Variants in TNFAIP6 observed in about 807,000 individuals in gnomAD.
TNFAIP6 encodes TNF alpha induced protein 6, also known as tumor necrosis factor-inducible gene 6 protein.
Under a neutral mutation model 33.7 loss-of-function variants are expected in TNFAIP6, and 36 were observed. The observed-to-expected ratio is 1.07, with a 90% CI of 0.82 to 1.41. TNFAIP6 has a LOEUF of 1.41. TNFAIP6 is among the 40% of genes most tolerant of loss of function. The probability of loss-of-function intolerance (pLI) is 0.00; values close to 1 mark genes in which losing one functional copy is unlikely to be tolerated. For synonymous variants in TNFAIP6, 113 were observed against 112.8 expected (o/e 1.00, Z -0.01); for missense variants, 273 against 331.9 (o/e 0.82, Z 1.38).
At chr2:151,369,536 G>A (rs1458505678) in intron 3 of TNFAIP6, among the ~76,000 whole-genome samples, 1 of 151,902 alleles carries the variant, frequency 6.6e-6, no homozygotes, top group Non-Finnish European at 1.5e-5. Context: ...CACTTTCAGA[G>A]GCAGAGGCAG....
At chr2:151,379,100 T>A (rs1684971491) in intron 5 of TNFAIP6, among the ~76,000 whole-genome samples, 1 of 151,916 alleles carries the variant, frequency 6.6e-6, no homozygotes, top group Non-Finnish European at 1.5e-5. Flanking sequence ...TGAGACTCCA[T>A]CTCAAAAATA....
At chr2:151,366,001 T>C (rs1684702457) in intron 2 of TNFAIP6, 55 bp from the exon 3 acceptor site, 1 of 1,555,676 alleles carries the variant, frequency 6.4e-7, no homozygotes, top group African/African-American at 1.4e-5. Flanking sequence ...AAGATGACTT[T>C]TGCTTAGCCA....
intron 4 of TNFAIP6, among the ~76,000 whole-genome samples, chr2:151,370,790 C>G (rs1684803867): frequency 6.6e-6 from 1 of 152,158 alleles, no homozygotes; most frequent in South Asian, 2.1e-4. Context: ...GATTATAGGG[C>G]CGGGCACGGT....
chr2:151,365,758 A>G (rs1015015826), intron 2 of TNFAIP6, among the ~76,000 whole-genome samples: 7 of 152,224 alleles, frequency 4.6e-5, no homozygotes, highest in Admixed American at 3.3e-4. Flanking sequence ...ATGGCATTCC[A>G]TACGTCATTT....
Position 151,379,379 on chromosome 2 carries a change from T to A in TNFAIP6, c.680T>A (p.Leu227Ter). 6.3e-7 allele frequency: 1 copy of A among 1,597,280 alleles called. No individual in the cohort carries two copies. Among genetic ancestry groups the A allele is most frequent in the Middle Eastern group, 1.7e-4 (1 of 6,002 alleles). ...DIISTGNVMT[L>*]KFLSDASVTA... is the part of the protein sequence containing the mutation. ...CCCGCAACAGGAAATGTCATGACCT[T>A]GAAGTTTCTAAGTGATGCTTCAGTG... Residue 227 changes from leucine to a stop codon, truncating the protein, a stop_gained, in exon 6 of 6, where the codon TTG (leucine) becomes TAG (stop). Coordinates refer to ENST00000243347, the MANE Select transcript of TNFAIP6 (RefSeq NM_007115.4). LOFTEE classifies it high-confidence loss of function.
intron 1 of TNFAIP6, among the ~76,000 whole-genome samples, chr2:151,361,307 C>T (rs1017521702): frequency 6.6e-6 from 1 of 152,074 alleles, no homozygotes; most frequent in African/African-American, 2.4e-5. Context: ...AACTTCTAAC[C>T]TCAGGTGATC....
chr2:151,376,860 CT>C (rs1256047816), intron 5 of TNFAIP6, among the ~76,000 whole-genome samples: 2 of 113,364 alleles, frequency 1.8e-5, no homozygotes, highest in African/African-American at 7.1e-5. Flanking sequence ...ATTTCTTTTT[CT>C]TTTCTTTTTT....
At chr2:151,377,892 A>G (rs1381938109) in intron 5 of TNFAIP6, among the ~76,000 whole-genome samples, 1 of 152,076 alleles carries the variant, frequency 6.6e-6, no homozygotes, top group Non-Finnish European at 1.5e-5. Flanking sequence ...CTGTGCTCAA[A>G]CCTGACTCTG....
rs1684560064 is a variant in TNFAIP6 at position 151,357,710 on chromosome 2, C to T, written c.44C>T (p.Thr15Ile). Reference sequence around the variant, plus strand: ...TTATTTCTCTTGCTATGGGAAGACACTCAAGGATGGGGATTCAAGGATGGA... The same window carrying T: ...TTATTTCTCTTGCTATGGGAAGACATTCAAGGATGGGGATTCAAGGATGGA... ...IYLFLLLWED[T>I]QGWGFKDGIF... The change falls in exon 1 of 6, where the codon ACT becomes ATT. Residue 15 changes from threonine (T) to isoleucine (I), a missense_variant. Physicochemically the swap from Thr to Ile is moderately conservative, Grantham distance 89. Coordinates refer to ENST00000243347, the MANE Select transcript of TNFAIP6 (RefSeq NM_007115.4). 2 of 1,612,990 alleles carry T rather than the reference C, an allele frequency of 1.2e-6. No individual in the cohort carries two copies. Among genetic ancestry groups the T allele is most frequent in the Non-Finnish European group, 1.7e-6 (2 of 1,179,028 alleles).
At chr2:151,364,854 T>C (rs1223790611) in intron 2 of TNFAIP6, among the ~76,000 whole-genome samples, 1 of 152,148 alleles carries the variant, frequency 6.6e-6, no homozygotes, top group African/African-American at 2.4e-5. Flanking sequence ...ACTGCTGGTC[T>C]GTAATCAGGG....
intron 5 of TNFAIP6, 149 bp from the exon 6 acceptor site, chr2:151,379,213 CAG>C: frequency 1.5e-6 from 1 of 684,060 alleles, no homozygotes; most frequent in Non-Finnish European, 2.3e-6. Context: ...AATGAAACCA[CAG>C]ACTCTTCAGC....
chr2:151,371,046 G>A (rs1380928499), intron 4 of TNFAIP6, among the ~76,000 whole-genome samples: 1 of 151,940 alleles, frequency 6.6e-6, no homozygotes, highest in Non-Finnish European at 1.5e-5. Flanking sequence ...ACTCTAGCCT[G>A]GGTGACAGAG....
intron 1 of TNFAIP6, among the ~76,000 whole-genome samples, chr2:151,360,604 A>G (rs1329603611): frequency 6.6e-6 from 1 of 152,216 alleles, no homozygotes; most frequent in Non-Finnish European, 1.5e-5. Context: ...TTAATAGCTC[A>G]AAATTCTGAA....
At chr2:151,370,530 G>C (rs912242454) in intron 4 of TNFAIP6, among the ~76,000 whole-genome samples, 1 of 149,684 alleles carries the variant, frequency 6.7e-6, no homozygotes, top group Non-Finnish European at 1.5e-5. Context: ...TTAAAGTAGT[G>C]AGAGCTGCCT....
intron 5 of TNFAIP6, among the ~76,000 whole-genome samples, chr2:151,375,125 C>CA (rs71403161): frequency 0.35 from 27,753 of 78,634 alleles, 5,191 homozygotes; most frequent in Admixed American, 0.47. Flanking sequence ...AACTCCGTCT[C>CA]AAAAAAAAAA....
At chr2:151,376,884 T>TC (rs2152019140) in intron 5 of TNFAIP6, among the ~76,000 whole-genome samples, 1 of 148,488 alleles carries the variant, frequency 6.7e-6, no homozygotes, top group African/African-American at 2.5e-5. Flanking sequence ...TTTTTTTTTT[T>TC]TGTTTTTTTT....
chr2:151,362,878 T>A (rs1008411359), intron 1 of TNFAIP6, among the ~76,000 whole-genome samples: 13 of 152,344 alleles, frequency 8.5e-5, no homozygotes, highest in Admixed American at 2.6e-4. Context: ...ACATAATGGA[T>A]CCATCTTCAC....
intron 5 of TNFAIP6, among the ~76,000 whole-genome samples, chr2:151,374,240 C>T (rs1684865418): frequency 6.6e-6 from 1 of 152,088 alleles, no homozygotes; most frequent in South Asian, 2.1e-4. Context: ...GCCCACCCCC[C>T]CATTATTTTC....
chr2:151,379,704 A>C lies in TNFAIP6; in HGVS notation c.*171A>C. 1 of 448,236 alleles carries C rather than the reference A, an allele frequency of 2.2e-6. No homozygotes were observed. The highest frequency in any genetic ancestry group is 4.2e-5 in the Admixed American group (1 of 23,710). 27.8% of individuals were successfully genotyped at this position (448,236 alleles called of 1,614,324 possible). ...AGGAAACTTTAAACGAGAAAATGAA[A>C]CCTCTCATAATCCCACTGCATAGAA... is the stretch of plus-strand genomic sequence containing the variant. On this transcript the variant is annotated 3_prime_UTR_variant, in exon 6 of 6. Coordinates refer to ENST00000243347, the MANE Select transcript of TNFAIP6 (RefSeq NM_007115.4).
Sources: allele counts gnomAD v4.1 joint callset (sites outside exome capture counted in the v4.1 genomes callset), GRCh38; gene constraint gnomAD v4.1.1; transcripts MANE v1.5; gene names NCBI Gene and HGNC (gene_info 2026-07-23, HGNC 2026-07-21).